MSRA: variants seen among roughly 807,000 people sequenced by gnomAD.
MSRA encodes mitochondrial peptide methionine sulfoxide reductase.
MSRA carries 54 observed loss-of-function variants against 31.3 expected under a neutral mutation model. That is an observed-to-expected ratio of 1.73 (90% CI 1.39 to 2.17). The LOEUF (loss-of-function observed/expected upper bound fraction) is 2.17, where lower values mean the gene tolerates loss of function less well. Ranked by LOEUF, MSRA falls within the 30% of genes most tolerant of loss-of-function variation. MSRA has a pLI of 0.00. For missense variants in MSRA, 507 were observed against 300.9 expected (o/e 1.69, Z -5.07); for synonymous variants, 169 against 116.5 (o/e 1.45, Z -2.90).
At chr8:10,375,082 AG>A (rs1365958835) in intron 5 of MSRA, among the ~76,000 whole-genome samples, 1 of 152,198 alleles carries the variant, frequency 6.6e-6, no homozygotes, top group Admixed American at 6.5e-5. Flanking sequence ...CAGAACCGTG[AG>A]CCAAAAAACC....
intron 1 of MSRA, among the ~76,000 whole-genome samples, chr8:10,083,403 T>G (rs1420072929): frequency 1.3e-5 from 2 of 152,230 alleles, no homozygotes; most frequent in African/African-American, 4.8e-5. Flanking sequence ...TTGGGTATCT[T>G]AAGAGAAATT....
At chr8:10,199,907 A>C (rs1024598868) in intron 1 of MSRA, among the ~76,000 whole-genome samples, 1 of 152,114 alleles carries the variant, frequency 6.6e-6, no homozygotes, top group Non-Finnish European at 1.5e-5. Flanking sequence ...TGTGGAGAAC[A>C]TCCTTGCCAG....
intron 4 of MSRA, among the ~76,000 whole-genome samples, chr8:10,318,606 G>A (rs1305407566): frequency 1.3e-5 from 2 of 152,182 alleles, no homozygotes; most frequent in African/African-American, 4.8e-5. Flanking sequence ...GCCCTCTGGA[G>A]AACAGCATTA....
chr8:10,311,453 A>T (rs1422441428), intron 4 of MSRA, among the ~76,000 whole-genome samples: 3 of 149,414 alleles, frequency 2.0e-5, no homozygotes, highest in African/African-American at 7.3e-5. Flanking sequence ...AGTGGACATA[A>T]GATGCTGTAC....
At chr8:10,239,513 A>T (rs1025854593) in intron 2 of MSRA, among the ~76,000 whole-genome samples, 2 of 152,174 alleles carry the variant, frequency 1.3e-5, no homozygotes, top group Admixed American at 1.3e-4. Flanking sequence ...ACTTTGTAAC[A>T]CCAAATGCTT....
intron 3 of MSRA, among the ~76,000 whole-genome samples, chr8:10,293,334 T>C (rs565067114): frequency 2.0e-5 from 3 of 152,224 alleles, no homozygotes; most frequent in African/African-American, 7.2e-5. Context: ...GATGAGCTAC[T>C]GCTTCCATTT....
At chr8:10,168,900 G>C (rs145816615) in intron 1 of MSRA, among the ~76,000 whole-genome samples, 349 of 152,330 alleles carry the variant, frequency 2.3e-3, no homozygotes, top group Non-Finnish European at 3.7e-3. Flanking sequence ...TCCAGTCACA[G>C]ATAATTCCAG....
intron 1 of MSRA, among the ~76,000 whole-genome samples, chr8:10,175,789 A>T (rs1257106751): frequency 6.6e-6 from 1 of 152,208 alleles, no homozygotes; most frequent in African/African-American, 2.4e-5. Context: ...TGTGATGCCA[A>T]GGGGGCATTT....
At chr8:10,368,053 G>A (rs1223561028) in intron 5 of MSRA, among the ~76,000 whole-genome samples, 1 of 152,128 alleles carries the variant, frequency 6.6e-6, no homozygotes, top group African/African-American at 2.4e-5. Context: ...TCCCTGCCCC[G>A]CGAAGGAATG....
intron 3 of MSRA, among the ~76,000 whole-genome samples, chr8:10,300,981 G>T (rs183221325): frequency 1.3e-3 from 192 of 152,098 alleles, no homozygotes; most frequent in African/African-American, 4.3e-3. Context: ...TTACCACCCT[G>T]CTGGGTATTT....
chr8:10,135,034 C>G (rs1051173050), intron 1 of MSRA, among the ~76,000 whole-genome samples: 2 of 152,186 alleles, frequency 1.3e-5, no homozygotes. Flanking sequence ...CTGACCTCAG[C>G]TTTACTTTAA....
At chr8:10,236,887 T>A (rs1371319957) in intron 2 of MSRA, among the ~76,000 whole-genome samples, 1 of 152,150 alleles carries the variant, frequency 6.6e-6, no homozygotes, top group Non-Finnish European at 1.5e-5. Flanking sequence ...AATTATAACA[T>A]GGTATTGAAG....
chr8:10,078,459 G>T (rs896186149), intron 1 of MSRA, among the ~76,000 whole-genome samples: 6 of 152,242 alleles, frequency 3.9e-5, no homozygotes, highest in African/African-American at 1.4e-4. Context: ...CTGTGGTGCT[G>T]GACTGGCCAC....
At position 10,207,874 on chromosome 8, in the gene MSRA, C is replaced by G. The variant is rs775294870; in HGVS notation, c.184C>G (p.Pro62Ala). The G allele has an allele frequency of 1.2e-6, 2 of 1,612,362 alleles. No individual in the cohort carries two copies. The highest frequency in any genetic ancestry group is 1.1e-5 in the South Asian group (1 of 90,794). The part of the protein sequence containing the change: ...VNGNRTVEPF[P>A]EGTQMAVFGM... ...TGGCAACAGAACAGTCGAACCTTTC[C>G]CAGAGGGAACACAGATGGCTGTATT... Residue 62 changes from proline to alanine, a missense_variant, in exon 2 of 6, where the codon CCA becomes GCA. Transcript: ENST00000317173.
intron 1 of MSRA, among the ~76,000 whole-genome samples, chr8:10,089,863 T>A (rs1798771538): frequency 6.6e-6 from 1 of 152,002 alleles, no homozygotes; most frequent in South Asian, 2.1e-4. Context: ...TTCATGAGAG[T>A]GAGAGCTCAC....
intron 5 of MSRA, among the ~76,000 whole-genome samples, chr8:10,417,429 C>CACACACACACAG (rs1259938061): frequency 6.6e-6 from 1 of 150,646 alleles, no homozygotes; most frequent in Non-Finnish European, 1.5e-5. Flanking sequence ...GACACACACA[C>CACACACACACAG]ACACACACAC....
intron 2 of MSRA, among the ~76,000 whole-genome samples, chr8:10,233,242 A>G (rs1811644101): frequency 6.6e-6 from 1 of 152,258 alleles, no homozygotes. Context: ...TCGTGTAGGT[A>G]CAACTTGAAA....
chr8:10,421,080 G>A (rs1384328852), intron 5 of MSRA, among the ~76,000 whole-genome samples: 3 of 152,132 alleles, frequency 2.0e-5, no homozygotes, highest in Non-Finnish European at 2.9e-5. Context: ...TGTGAGCTGG[G>A]TAGGGAGAGT....
intron 4 of MSRA, among the ~76,000 whole-genome samples, chr8:10,306,021 T>G (rs1421906228): frequency 6.6e-6 from 1 of 152,256 alleles, no homozygotes; most frequent in African/African-American, 2.4e-5. Flanking sequence ...GCCTTCTTTC[T>G]TACTCATGGG....
Sources: gnomAD v4.1 joint callset for allele counts (sites outside exome capture counted in the v4.1 genomes callset) on GRCh38, gnomAD v4.1.1 for gene constraint, MANE v1.5 for transcripts, NCBI Gene and HGNC (gene_info 2026-07-23, HGNC 2026-07-21) for gene names.